The following ZBTB20 variants were observed in gnomAD, a reference collection of about 807,000 sequenced individuals.
The protein encoded by ZBTB20 is zinc finger and BTB domain-containing protein 20.
Under a neutral mutation model 56.9 loss-of-function variants are expected in ZBTB20, and 9 were observed. That is an observed-to-expected ratio of 0.16 (90% CI 0.10 to 0.28). ZBTB20 has a LOEUF of 0.28. Among genes scored for constraint, ZBTB20 ranks in the 10% least tolerant of loss-of-function variants. The pLI, the probability that ZBTB20 is intolerant of heterozygous loss-of-function variation, is 1.00. For synonymous variants in ZBTB20, 417 were observed against 420.7 expected, an observed-to-expected ratio of 0.99 and a Z score of 0.11; for missense variants, 655 against 1,003.0, an observed-to-expected ratio of 0.65 and a Z score of 4.69.
chr3:114,798,156 A>G (rs2071448604), intron 5 of ZBTB20, among the ~76,000 whole-genome samples: 1 of 151,764 alleles, frequency 6.6e-6, no homozygotes, highest in Non-Finnish European at 1.5e-5. Context: ...ATTCCACACC[A>G]CTATGGTTCT....
intron 6 of ZBTB20, among the ~76,000 whole-genome samples, chr3:114,566,008 T>C (rs2052690087): frequency 6.8e-6 from 1 of 146,866 alleles, no homozygotes; most frequent in African/African-American, 2.6e-5. Context: ...TTTTTTCTTT[T>C]TTTTTCTTTT....
At chr3:115,012,304 G>C (rs2079753707) in intron 2 of ZBTB20, among the ~76,000 whole-genome samples, 1 of 151,664 alleles carries the variant, frequency 6.6e-6, no homozygotes, top group Non-Finnish European at 1.5e-5. Flanking sequence ...AAGATCCAAT[G>C]ATCTGTTGCC....
At chr3:114,546,483 C>T (rs914725228) in intron 6 of ZBTB20, among the ~76,000 whole-genome samples, 2 of 151,800 alleles carry the variant, frequency 1.3e-5, no homozygotes, top group African/African-American at 4.8e-5. Flanking sequence ...CTCAAGCATT[C>T]TGAAGGTTCT....
In ZBTB20 at chr3:114,654,022, T is replaced by C. The variant is rs946235375; in HGVS notation, c.-295+39506A>G. ...TCTTTTTTCTTGAACTTTTCTGTTA[T>C]AGCTTATAAATTCTGTTAATCTTTT... On this transcript the variant is annotated intron_variant, in intron 6 of 11. Coordinates refer to ENST00000675478, the MANE Select transcript of ZBTB20 (RefSeq NM_001348800.3). Among the ~76,000 whole-genome samples, 8 of 151,940 alleles carry C rather than the reference T, an allele frequency of 5.3e-5. No homozygotes were observed. In the South Asian group the frequency reaches 6.2e-4, roughly 12 times the overall value.
rs144438609 is a variant in ZBTB20 at position 114,604,441 on chromosome 3, C to T, written c.-295+89087G>A. Among the ~76,000 whole-genome samples, 1,473 of 151,964 alleles carry T rather than the reference C, an allele frequency of 9.7e-3. 28 individuals carry two copies. The highest frequency in any genetic ancestry group is 0.032 in the African/African-American group (1,310 of 41,498). ...AAAGGTGGATGGGGAGAAGTGAAGACGTTTTTACATAGTTTTGATTTTTGA... is the reference window on the plus strand; with the variant it reads ...AAAGGTGGATGGGGAGAAGTGAAGATGTTTTTACATAGTTTTGATTTTTGA... On this transcript the variant is annotated intron_variant, in intron 6 of 11. Transcript: ENST00000675478.
chr3:114,935,720 C>T (rs528443474), intron 3 of ZBTB20, among the ~76,000 whole-genome samples: 3 of 152,312 alleles, frequency 2.0e-5, no homozygotes, highest in South Asian at 4.1e-4. Context: ...CATCTTCAAT[C>T]TGGCATATAA....
chr3:115,025,863 C>G (rs2080402414), intron 2 of ZBTB20, among the ~76,000 whole-genome samples: 1 of 148,428 alleles, frequency 6.7e-6, no homozygotes, highest in Non-Finnish European at 1.5e-5. Flanking sequence ...TCTTATATTT[C>G]TAAATATAAG....
chr3:114,375,738 T>C (rs1048232000), intron 10 of ZBTB20: 2 of 152,222 alleles, frequency 1.3e-5, no homozygotes, highest in Non-Finnish European at 2.9e-5. Context: ...CTTCGAAATA[T>C]CCCTTACCCT....
At chr3:114,416,776 G>C (rs894338157) in intron 7 of ZBTB20, among the ~76,000 whole-genome samples, 6 of 152,116 alleles carry the variant, frequency 3.9e-5, no homozygotes, top group South Asian at 4.1e-4. Context: ...TTTGAAACTT[G>C]GTGTATAGAG....
intron 3 of ZBTB20, among the ~76,000 whole-genome samples, chr3:114,920,085 C>T (rs890974742): frequency 6.6e-6 from 1 of 151,976 alleles, no homozygotes; most frequent in South Asian, 2.1e-4. Flanking sequence ...TAAAAAATTG[C>T]ACATATACAT....
At position 114,339,375 on chromosome 3, in the gene ZBTB20, T is replaced by A. The variant is rs578082367; in HGVS notation, c.1856A>T (p.Asp619Val). ...SICWRSFSLK[D>V]YLIKHMVTHT... ...TGTCACCATGTGCTTGATAAGGTAA[T>A]CCTTTAAGGAGAAGGAGCGCCAACA... The change falls in exon 12 of 12, where the codon GAT (aspartate) becomes GTT (valine). Residue 619 changes from aspartate (D) to valine (V), a missense_variant. Physicochemically the swap from Asp to Val is radical, Grantham distance 152. Coordinates refer to ENST00000675478, the MANE Select transcript of ZBTB20 (RefSeq NM_001348800.3). The surrounding 1 kb of genome is among the most constrained non-coding windows in gnomAD (Gnocchi z 4.2). 6.2e-7 allele frequency: 1 copy of A among 1,613,954 alleles called. No individual in the cohort carries two copies. The highest frequency in any genetic ancestry group is 1.3e-5 in the African/African-American group (1 of 74,978).
chr3:114,837,887 C>T lies in ZBTB20; in HGVS notation c.-416-36713G>A, dbSNP rs147160742. Among the ~76,000 whole-genome samples the T allele has an allele frequency of 2.3e-3, 347 of 152,112 alleles. 3 individuals are homozygous for T. Among genetic ancestry groups the T allele is most frequent in the African/African-American group, 7.8e-3 (325 of 41,502 alleles). ...ACATTCTTAGTGTTCAGAAAAATTT[C>T]GGACTTTCAGTAAACAAATTAATTT... On this transcript the variant is annotated intron_variant, in intron 4 of 11. Transcript: ENST00000675478.
chr3:114,413,058 G>A (rs2088139974), intron 7 of ZBTB20, among the ~76,000 whole-genome samples: 1 of 152,002 alleles, frequency 6.6e-6, no homozygotes, highest in Non-Finnish European at 1.5e-5. Context: ...TCTAGTAAAA[G>A]GTAACGGCAA....
intron 1 of ZBTB20, among the ~76,000 whole-genome samples, chr3:115,081,401 G>A (rs2082790256): frequency 6.6e-6 from 1 of 152,050 alleles, no homozygotes; most frequent in South Asian, 2.1e-4. Flanking sequence ...CCTATATCCA[G>A]TTCATATCTA....
chr3:114,936,892 T>C (rs927562436), intron 3 of ZBTB20, among the ~76,000 whole-genome samples: 1 of 152,110 alleles, frequency 6.6e-6, no homozygotes, highest in African/African-American at 2.4e-5. Context: ...AATCTATACA[T>C]GATAAAGGGG....
intron 5 of ZBTB20, among the ~76,000 whole-genome samples, chr3:114,732,346 T>A (rs2065820762): frequency 6.6e-6 from 1 of 152,178 alleles, no homozygotes; most frequent in Non-Finnish European, 1.5e-5. Context: ...TTTCCTGTTA[T>A]CTTCCAAGGA....
chr3:114,724,596 T>G (rs1413751615), intron 5 of ZBTB20, among the ~76,000 whole-genome samples: 1 of 152,236 alleles, frequency 6.6e-6, no homozygotes, highest in Non-Finnish European at 1.5e-5. Context: ...TTATCCCTTC[T>G]TTAAAATGCG....
At chr3:115,097,945 G>A (rs943829090) in intron 1 of ZBTB20, among the ~76,000 whole-genome samples, 1 of 152,148 alleles carries the variant, frequency 6.6e-6, no homozygotes, top group Non-Finnish European at 1.5e-5. Flanking sequence ...TAGATCTACT[G>A]AAGGTTAAGA....
chr3:114,371,260 T>C (rs1424638565), intron 10 of ZBTB20, among the ~76,000 whole-genome samples: 4 of 152,218 alleles, frequency 2.6e-5, no homozygotes, highest in Non-Finnish European at 4.4e-5. Context: ...GATTAAAATA[T>C]ACTTTACAAA....
Sources: gnomAD v4.1 joint callset for allele counts (sites outside exome capture counted in the v4.1 genomes callset) on GRCh38, gnomAD v4.1.1 for gene constraint, Gnocchi (gnomAD v3.1) non-coding constraint, MANE v1.5 for transcripts, NCBI Gene and HGNC (gene_info 2026-07-23, HGNC 2026-07-21) for gene names.